The following NTN1 variants were observed in gnomAD, a reference collection of about 807,000 sequenced individuals.
NTN1 encodes the protein netrin 1, also known as netrin-1.
In NTN1, 11 loss-of-function variants were observed where a neutral mutation model predicts 54.2. The ratio of observed to expected loss-of-function variants is 0.20; its 90% CI spans 0.13 to 0.34. NTN1 has a LOEUF of 0.34. Among genes scored for constraint, NTN1 ranks in the 10% least tolerant of loss-of-function variants. The pLI is 1.00. For missense variants in NTN1, 740 were observed against 893.1 expected (o/e 0.83, Z 2.18); for synonymous variants, 371 against 382.0 (o/e 0.97, Z 0.33).
intron 2 of NTN1, among the ~76,000 whole-genome samples, chr17:9,144,416 G>A (rs1435615486): frequency 6.6e-6 from 1 of 152,128 alleles, no homozygotes; most frequent in African/African-American, 2.4e-5. Context: ...CTGAGGCATA[G>A]AGGTGATCAA....
At chr17:9,206,943 T>G (rs1197968257) in intron 5 of NTN1, among the ~76,000 whole-genome samples, 2 of 152,152 alleles carry the variant, frequency 1.3e-5, no homozygotes, top group African/African-American at 4.8e-5. Flanking sequence ...TTCCGATTCC[T>G]GCTTGGAGCC....
rs756129750 is a variant in NTN1, at chr17:9,242,346, C to T, written c.*2378C>T. On this transcript the variant is annotated 3_prime_UTR_variant, in exon 7 of 7. Transcript: ENST00000173229. ...AAGCTGTCAGCGCCCCTCGGATGCC[C>T]AGTGTGGTGTGCTGGGCGCCATCAG... The T allele has an allele frequency of 3.0e-4, 46 of 152,286 alleles. No homozygotes were observed. The highest frequency in any genetic ancestry group is 4.3e-4 in the African/African-American group (18 of 41,462). 9.4% of individuals were successfully genotyped at this position (152,286 alleles called of 1,614,324 possible).
chr17:9,218,668 C>T (rs926176276), intron 5 of NTN1, among the ~76,000 whole-genome samples: 11 of 152,162 alleles, frequency 7.2e-5, no homozygotes, highest in African/African-American at 2.4e-4. Flanking sequence ...TGGGGCTTAC[C>T]TTGGGCGGGC....
intron 2 of NTN1, among the ~76,000 whole-genome samples, chr17:9,139,717 T>C (rs570456215): frequency 6.6e-6 from 1 of 152,306 alleles, no homozygotes; most frequent in African/African-American, 2.4e-5. Flanking sequence ...TTAAACATTT[T>C]TGGGCTGTGA....
intron 2 of NTN1, among the ~76,000 whole-genome samples, chr17:9,064,225 C>G (rs951641276): frequency 6.6e-6 from 1 of 152,182 alleles, no homozygotes; most frequent in Non-Finnish European, 1.5e-5. Flanking sequence ...ATCCATGCTT[C>G]CATCCATCCA....
At chr17:9,122,701 G>A (rs561903895) in intron 2 of NTN1, among the ~76,000 whole-genome samples, 4 of 152,308 alleles carry the variant, frequency 2.6e-5, no homozygotes, top group South Asian at 2.1e-4. Flanking sequence ...AGAAGAAAAC[G>A]CAAGTAACAG....
chr17:9,009,056 AAAAAC>A, the NTN1 span, among the ~76,000 whole-genome samples: 1 of 152,198 alleles, frequency 6.6e-6, no homozygotes, highest in Non-Finnish European at 1.5e-5. Flanking sequence ...AAGACAAAAC[AAAAAC>A]AAAACAAAAC....
At chr17:9,227,654 A>ACAACACAC (rs1905635622) in intron 6 of NTN1, among the ~76,000 whole-genome samples, 1 of 132,864 alleles carries the variant, frequency 7.5e-6, no homozygotes, top group Non-Finnish European at 1.6e-5. Flanking sequence ...ACACACCATC[A>ACAACACAC]CATACCACAC....
intron 2 of NTN1, among the ~76,000 whole-genome samples, chr17:9,068,817 A>T (rs8073370): frequency 1.8e-3 from 272 of 152,132 alleles, no homozygotes; most frequent in African/African-American, 6.0e-3. Flanking sequence ...CCGATTTTTT[A>T]AAAAATAGGC....
intron 6 of NTN1, among the ~76,000 whole-genome samples, chr17:9,232,154 G>C (rs972963893): frequency 6.6e-6 from 1 of 152,170 alleles, no homozygotes; most frequent in African/African-American, 2.4e-5. Flanking sequence ...AGGGTCGGGG[G>C]GACAAGTGTG....
chr17:9,133,672 C>T (rs537385621), intron 2 of NTN1, among the ~76,000 whole-genome samples: 2 of 150,588 alleles, frequency 1.3e-5, no homozygotes, highest in Non-Finnish European at 3.0e-5. Flanking sequence ...ACTGCAACCT[C>T]CACCTCCCGG....
the NTN1 span, among the ~76,000 whole-genome samples, chr17:9,011,725 G>A: frequency 6.6e-6 from 1 of 152,084 alleles, no homozygotes; most frequent in African/African-American, 2.4e-5. Context: ...GAGTAGTTGC[G>A]AATACAGGTG....
At chr17:9,007,371 T>C in the NTN1 span, among the ~76,000 whole-genome samples, 8 of 150,730 alleles carry the variant, frequency 5.3e-5, no homozygotes, top group Non-Finnish European at 1.0e-4. Flanking sequence ...TTTCTTTCTT[T>C]CCTTCCTTCC....
chr17:9,128,161 T>C (rs1413127895), intron 2 of NTN1, among the ~76,000 whole-genome samples: 1 of 151,234 alleles, frequency 6.6e-6, no homozygotes, highest in Non-Finnish European at 1.5e-5. Context: ...AATAATAAAG[T>C]GAGCTGGGTG....
intron 5 of NTN1, among the ~76,000 whole-genome samples, chr17:9,220,682 A>G (rs2142355612): frequency 6.6e-6 from 1 of 151,966 alleles, no homozygotes; most frequent in Admixed American, 6.5e-5. Context: ...GGGTTTTTTA[A>G]TGCTTCATGG....
chr17:9,219,978 T>TGCAGCTCCCC lies in NTN1; in HGVS notation c.1412-1187_1412-1178dup, dbSNP rs1275499569. Among the ~76,000 whole-genome samples, 3 of 152,170 alleles carry TGCAGCTCCCC rather than the reference T, an allele frequency of 2.0e-5. No homozygotes were observed. The highest frequency in any genetic ancestry group is 4.4e-5 in the Non-Finnish European group (3 of 68,026). On this transcript the variant is annotated intron_variant, in intron 5 of 6. Coordinates refer to ENST00000173229, the MANE Select transcript of NTN1 (RefSeq NM_004822.3). The surrounding 1 kb of genome is among the most constrained non-coding windows in gnomAD (Gnocchi z 4.5). ...ACAGGCTGGGCCCCCTGCAGCTCCC[T>TGCAGCTCCCC]GCAGCTCCCCGCTCCTCCCCGCTGG...
At chr17:9,016,873 C>T (rs1451077272), upstream of NTN1, among the ~76,000 whole-genome samples, 2 of 152,226 alleles carry the variant, frequency 1.3e-5, no homozygotes, top group East Asian at 1.9e-4. Flanking sequence ...GTCTCATGGC[C>T]TTGCTGGCTG....
At chr17:9,188,830 A>G (rs2142325451) in intron 5 of NTN1, among the ~76,000 whole-genome samples, 1 of 152,306 alleles carries the variant, frequency 6.6e-6, no homozygotes, top group East Asian at 1.9e-4. Context: ...TGGGGTCCAC[A>G]GAGGAGACCA....
At chr17:9,104,953 G>A (rs2092161232) in intron 2 of NTN1, among the ~76,000 whole-genome samples, 2 of 152,200 alleles carry the variant, frequency 1.3e-5, no homozygotes. Flanking sequence ...CCAGGCCGAG[G>A]CCCCTGTGAT....
Sources: allele counts gnomAD v4.1 joint callset (sites outside exome capture counted in the v4.1 genomes callset), GRCh38; gene constraint gnomAD v4.1.1; non-coding constraint Gnocchi (gnomAD v3.1); transcripts MANE v1.5; gene names NCBI Gene and HGNC (gene_info 2026-07-23, HGNC 2026-07-21).